LSM12: variants seen among roughly 807,000 people sequenced by gnomAD.
LSM12 encodes protein LSM12.
For missense variants in LSM12, 108 were observed against 238.9 expected (o/e 0.45, Z 3.61); for synonymous variants, 74 against 87.3 (o/e 0.85, Z 0.85).
At chr17:44,056,563 T>C (rs2049717397) in intron 2 of LSM12, among the ~76,000 whole-genome samples, 1 of 151,464 alleles carries the variant, frequency 6.6e-6, no homozygotes, top group African/African-American at 2.4e-5. Context: ...CATGATGGCG[T>C]GTGCCTGTGG....
intron 2 of LSM12, among the ~76,000 whole-genome samples, chr17:44,044,637 G>A (rs2049537424): frequency 6.6e-6 from 1 of 152,160 alleles, no homozygotes; most frequent in South Asian, 2.1e-4. Flanking sequence ...CTCCTAGAGA[G>A]GACCCCATCA....
In LSM12 at chr17:44,057,737, A is replaced by G. The variant is rs1310891434; in HGVS notation, c.258+6064T>C. 2.0e-5 allele frequency among the ~76,000 whole-genome samples: 3 copies of G among 150,806 alleles called. No individual in the cohort carries two copies. In the East Asian group the frequency reaches 6.1e-4, roughly 31 times the overall value. ...CAGCACTACTGCATTATAGCCTGGG[A>G]GACAGACGGAGACTCTGTCTCAAAA... On this transcript the variant is annotated intron_variant, in intron 2 of 4. Coordinates refer to ENST00000293406, the MANE Select transcript of LSM12 (RefSeq NM_001371445.1).
intron 1 of LSM12, among the ~76,000 whole-genome samples, chr17:44,065,065 G>A (rs1020587523): frequency 3.4e-4 from 51 of 151,752 alleles, no homozygotes; most frequent in African/African-American, 1.2e-3. Context: ...TCCGGGAGAC[G>A]GAAGTTGCAG....
At chr17:44,040,331 A>T (rs1181291578) in intron 2 of LSM12, 75 bp from the exon 3 acceptor site, 1 of 1,097,282 alleles carries the variant, frequency 9.1e-7, no homozygotes, top group Non-Finnish European at 1.4e-6. Flanking sequence ...ACCTAAGCTG[A>T]AGAAAGGAGG....
chr17:44,054,985 T>A (rs1480186118), intron 2 of LSM12, among the ~76,000 whole-genome samples: 1 of 151,952 alleles, frequency 6.6e-6, no homozygotes, highest in Admixed American at 6.6e-5. Flanking sequence ...ACTACAGGCG[T>A]GTGCCACCAC....
rs1197724255 is a variant in LSM12 at position 44,053,938 on chromosome 17, G to A, written c.258+9863C>T. Among the ~76,000 whole-genome samples the A allele has an allele frequency of 3.3e-5, 5 of 152,070 alleles. No individual in the cohort carries two copies. In the East Asian group the frequency reaches 9.6e-4, roughly 29 times the overall value. On this transcript the variant is annotated intron_variant, in intron 2 of 4. Transcript: ENST00000293406. Reference sequence around the variant, plus strand: ...GAATACTGTTCTCTTAATACTGGAGGAATTACCACCACTGACCCACCCTAA... The same window carrying A: ...GAATACTGTTCTCTTAATACTGGAGAAATTACCACCACTGACCCACCCTAA...
chr17:44,062,923 G>C (rs2049818301), intron 2 of LSM12, among the ~76,000 whole-genome samples: 1 of 151,754 alleles, frequency 6.6e-6, no homozygotes, highest in Non-Finnish European at 1.5e-5. Flanking sequence ...AAAAAAATTT[G>C]GCCAGGCGTC....
intron 1 of LSM12, among the ~76,000 whole-genome samples, chr17:44,064,143 T>C (rs2049836783): frequency 6.6e-6 from 1 of 152,236 alleles, no homozygotes; most frequent in Admixed American, 6.5e-5. Context: ...AAAGGAGTTC[T>C]GTCACTTTCT....
Position 44,036,120 on chromosome 17 carries a change from T to C in LSM12, c.*88A>G. On this transcript the variant is annotated 3_prime_UTR_variant, in exon 5 of 5. Coordinates refer to ENST00000293406, the MANE Select transcript of LSM12 (RefSeq NM_001371445.1). ...TTAAGAGCCAACAGGACATATAGGATCCCTTCCCTCCCCCGGCCTGCCTCC... is the reference window on the plus strand; with the variant it reads ...TTAAGAGCCAACAGGACATATAGGACCCCTTCCCTCCCCCGGCCTGCCTCC... 1 of 1,237,738 alleles carries C rather than the reference T, an allele frequency of 8.1e-7. No individual in the cohort carries two copies. Among genetic ancestry groups the C allele is most frequent in the Admixed American group, 2.1e-5 (1 of 47,370 alleles). The allele number at this position is 1,237,738 out of a possible 1,614,324, so 76.7% of individuals were successfully genotyped here. A position where few individuals can be genotyped will look rare whatever the true frequency, so the allele number is the denominator to read the frequency against.
At position 44,054,859 on chromosome 17, in the gene LSM12, GAC is replaced by G. The variant is rs749358688; in HGVS notation, c.258+8940_258+8941del. ...TTTCTTTTTTTTTTTTTAATTTTGAGACAGAGTCTCAATCTGTCGCCCAGGCT... is the reference window on the plus strand; with the variant it reads ...TTTCTTTTTTTTTTTTTAATTTTGAGAGAGTCTCAATCTGTCGCCCAGGCT... On this transcript the variant is annotated intron_variant, in intron 2 of 4. Transcript: ENST00000293406. Among the ~76,000 whole-genome samples the G allele has an allele frequency of 6.9e-4, 103 of 150,162 alleles. No individual in the cohort carries two copies. In the East Asian group the frequency reaches 0.019, roughly 28 times the overall value.
intron 2 of LSM12, among the ~76,000 whole-genome samples, chr17:44,048,327 C>CA: frequency 6.6e-6 from 1 of 151,578 alleles, no homozygotes; most frequent in Non-Finnish European, 1.5e-5. Flanking sequence ...ACAAAAATTA[C>CA]AAAAATTAGC....
chr17:44,044,967 G>C (rs1169024374), intron 2 of LSM12, among the ~76,000 whole-genome samples: 1 of 152,194 alleles, frequency 6.6e-6, no homozygotes, highest in Non-Finnish European at 1.5e-5. Context: ...GCTGCCCTCA[G>C]TAGAGAAAGT....
At chr17:44,058,615 G>A (rs2049753736) in intron 2 of LSM12, among the ~76,000 whole-genome samples, 1 of 152,118 alleles carries the variant, frequency 6.6e-6, no homozygotes, top group South Asian at 2.1e-4. Context: ...GGTGGATCAT[G>A]AGGTCAGGAG....
chr17:44,046,788 T>C (rs1247792159), intron 2 of LSM12, among the ~76,000 whole-genome samples: 1 of 123,156 alleles, frequency 8.1e-6, no homozygotes, highest in Non-Finnish European at 1.6e-5. Context: ...TGGAGTGCAA[T>C]GGCGCGATCT....
At chr17:44,051,766 G>T (rs1366133843) in intron 2 of LSM12, among the ~76,000 whole-genome samples, 1 of 152,056 alleles carries the variant, frequency 6.6e-6, no homozygotes, top group Admixed American at 6.6e-5. Flanking sequence ...TTGAGTCCAG[G>T]GGTGCAAGAC....
intron 2 of LSM12, among the ~76,000 whole-genome samples, chr17:44,051,125 G>T (rs1202438917): frequency 6.6e-6 from 1 of 151,952 alleles, no homozygotes; most frequent in East Asian, 1.9e-4. Context: ...TACAAAAATT[G>T]GCTGGGAGTG....
intron 2 of LSM12, among the ~76,000 whole-genome samples, chr17:44,045,544 T>G (rs897215343): frequency 1.3e-5 from 2 of 152,160 alleles, no homozygotes; most frequent in Admixed American, 6.6e-5. Context: ...GATGGACAGT[T>G]GATCAAAATC....
chr17:44,065,934 T>C (rs2049868018), intron 1 of LSM12, among the ~76,000 whole-genome samples: 1 of 151,990 alleles, frequency 6.6e-6, no homozygotes, highest in Non-Finnish European at 1.5e-5. Context: ...AACTCTGCCC[T>C]GAACTTACTC....
chr17:44,054,661 A>C (rs1597893020), intron 2 of LSM12, among the ~76,000 whole-genome samples: 1 of 151,830 alleles, frequency 6.6e-6, no homozygotes, highest in Admixed American at 6.6e-5. Context: ...CCCATTTGAC[A>C]CCACTCACTA....
Sources: gnomAD v4.1 joint callset for allele counts (sites outside exome capture counted in the v4.1 genomes callset) on GRCh38, gnomAD v4.1.1 for gene constraint, MANE v1.5 for transcripts, NCBI Gene and HGNC (gene_info 2026-07-23, HGNC 2026-07-21) for gene names.